PTPRN2: variants seen among roughly 807,000 people sequenced by gnomAD.
The protein encoded by PTPRN2 is protein tyrosine phosphatase receptor type N2, also known as receptor-type tyrosine-protein phosphatase N2.
Under a neutral mutation model 118.8 loss-of-function variants are expected in PTPRN2, and 74 were observed. That is an observed-to-expected ratio of 0.62 (90% confidence interval 0.52 to 0.76). The LOEUF (loss-of-function observed/expected upper bound fraction) is 0.76, where lower values mean the gene tolerates loss of function less well. PTPRN2 is among the 30% of genes least tolerant of loss of function. PTPRN2 has a pLI of 0.00. For missense variants in PTPRN2, 1,481 were observed against 1,394.4 expected (o/e 1.06, Z -0.99); for synonymous variants, 641 against 608.0 (o/e 1.05, Z -0.80).
At chr7:158,279,673 C>A (rs1230231793) in intron 3 of PTPRN2, among the ~76,000 whole-genome samples, 1 of 152,284 alleles carries the variant, frequency 6.6e-6, no homozygotes, top group East Asian at 1.9e-4. Context: ...TGCGCCGGCC[C>A]ACAAGCCCCG....
chr7:158,048,840 T>C (rs1034787580), intron 11 of PTPRN2, among the ~76,000 whole-genome samples: 2 of 9,794 alleles, frequency 2.0e-4, no homozygotes, highest in African/African-American at 4.6e-4. Context: ...CACCATCGCA[T>C]CACCACCATT....
chr7:158,421,987 C>T (rs1468889367), intron 2 of PTPRN2, among the ~76,000 whole-genome samples: 2 of 152,132 alleles, frequency 1.3e-5, no homozygotes, highest in Non-Finnish European at 2.9e-5. Context: ...AGCTAGAGAC[C>T]AAGTTACTGA....
chr7:157,910,378 C>T (rs1178755416), intron 11 of PTPRN2, among the ~76,000 whole-genome samples: 1 of 143,234 alleles, frequency 7.0e-6, no homozygotes, highest in African/African-American at 2.6e-5. Flanking sequence ...CGCCGGATCA[C>T]GCACGTACGC....
intron 6 of PTPRN2, among the ~76,000 whole-genome samples, chr7:158,159,710 T>A (rs1224766922): frequency 6.6e-6 from 1 of 152,208 alleles, no homozygotes; most frequent in Non-Finnish European, 1.5e-5. Flanking sequence ...TCTCCTAAAG[T>A]GATTTCCAAA....
chr7:158,533,139 T>C (rs1285520466), intron 1 of PTPRN2, among the ~76,000 whole-genome samples: 1 of 152,118 alleles, frequency 6.6e-6, no homozygotes. Flanking sequence ...ACCACTTCCT[T>C]CCCTAGTTTT....
In PTPRN2 at chr7:158,038,984, A is replaced by G. The variant is rs190627125; in HGVS notation, c.1723+42314T>C. On this transcript the variant is annotated intron_variant, in intron 11 of 22. Coordinates refer to ENST00000389418, the MANE Select transcript of PTPRN2 (RefSeq NM_002847.5). ...CAGATACAGACAAATGAAAATTGTA[A>G]TAAGATACAAGTTTATGGCCCTCCC... Among the ~76,000 whole-genome samples the G allele has an allele frequency of 2.7e-3, 407 of 152,314 alleles. 1 individual carries two copies. Among genetic ancestry groups the G allele is most frequent in the African/African-American group, 9.4e-3 (390 of 41,578 alleles).
chr7:158,065,139 C>T (rs563131680), intron 11 of PTPRN2, among the ~76,000 whole-genome samples: 18 of 152,288 alleles, frequency 1.2e-4, no homozygotes, highest in Non-Finnish European at 2.2e-4. Context: ...ACGAGAGAAA[C>T]GCCTGACATG....
At chr7:158,476,404 G>A (rs1820266305) in intron 2 of PTPRN2, among the ~76,000 whole-genome samples, 3 of 152,232 alleles carry the variant, frequency 2.0e-5, no homozygotes, top group Non-Finnish European at 4.4e-5. Context: ...TATCAATGAC[G>A]CCGATGCGCA....
chr7:158,071,640 A>AGG (rs1811750563), intron 11 of PTPRN2, among the ~76,000 whole-genome samples: 1 of 19,274 alleles, frequency 5.2e-5, no homozygotes, highest in African/African-American at 2.7e-4. Flanking sequence ...GGTGGTGGAG[A>AGG]TGCTCGTGGT....
chr7:157,745,499 G>C (rs1033350570), intron 12 of PTPRN2, among the ~76,000 whole-genome samples: 1 of 152,042 alleles, frequency 6.6e-6, no homozygotes, highest in Admixed American at 6.5e-5. Flanking sequence ...GCAGGCTGGG[G>C]GAGAGGGCAG....
At chr7:158,075,735 C>T (rs775626290) in intron 11 of PTPRN2, among the ~76,000 whole-genome samples, 1 of 152,246 alleles carries the variant, frequency 6.6e-6, no homozygotes, top group Non-Finnish European at 1.5e-5. Context: ...TCTCCCTCGC[C>T]CACTCTGGGT....
intron 1 of PTPRN2, among the ~76,000 whole-genome samples, chr7:158,557,044 G>T (rs1450041752): frequency 7.2e-6 from 1 of 139,674 alleles, no homozygotes; most frequent in Admixed American, 7.1e-5. Context: ...GGGCTCCCGC[G>T]CAGGTCACTC....
chr7:158,365,720 CCACACACA>C (rs111424578), intron 2 of PTPRN2, among the ~76,000 whole-genome samples: 1 of 114,344 alleles, frequency 8.7e-6, no homozygotes, highest in Admixed American at 9.5e-5. Flanking sequence ...GCACACACAC[CCACACACA>C]CACAGCATCC....
At chr7:157,852,561 T>C (rs1230457750) in intron 12 of PTPRN2, among the ~76,000 whole-genome samples, 1 of 152,204 alleles carries the variant, frequency 6.6e-6, no homozygotes, top group Non-Finnish European at 1.5e-5. Flanking sequence ...CAGATTTTGT[T>C]TTCTCCTGCT....
chr7:158,122,267 T>C (rs1395823195), intron 9 of PTPRN2, among the ~76,000 whole-genome samples: 1 of 152,198 alleles, frequency 6.6e-6, no homozygotes, highest in Non-Finnish European at 1.5e-5. Context: ...GTGGCAAGTT[T>C]GTGACGTCTC....
intron 2 of PTPRN2, among the ~76,000 whole-genome samples, chr7:158,379,906 A>G (rs951989695): frequency 5.9e-5 from 9 of 152,184 alleles, no homozygotes; most frequent in Admixed American, 3.9e-4. Context: ...GCAAAGTCAC[A>G]TCTCACATGG....
chr7:157,895,671 G>A (rs4716801), intron 12 of PTPRN2, among the ~76,000 whole-genome samples: 74,423 of 151,924 alleles, frequency 0.49, 18,617 homozygotes, highest in Middle Eastern at 0.59. Context: ...ATAATCTGTC[G>A]TGTAGCATCG....
chr7:158,086,655 C>T (rs1813438637), intron 10 of PTPRN2, among the ~76,000 whole-genome samples: 1 of 152,200 alleles, frequency 6.6e-6, no homozygotes, highest in Non-Finnish European at 1.5e-5. Flanking sequence ...AAAGAGGAGC[C>T]TTGTTTTACA....
In PTPRN2 at chr7:158,138,446, A is replaced by G; in HGVS notation, c.980T>C (p.Leu327Pro). 2 of 1,613,226 alleles carry G rather than the reference A, an allele frequency of 1.2e-6. No individual in the cohort carries two copies. Among genetic ancestry groups the G allele is most frequent in the South Asian group, 2.2e-5 (2 of 91,070 alleles). The change falls in exon 7 of 23, where the codon CTG becomes CCG. Residue 327 changes from leucine (L) to proline (P), a missense_variant. By Grantham distance (98) the Leu-to-Pro change is moderately conservative. This residue lies in a region of PTPRN2 where 1,115 missense variants were observed against 994.2 expected (regional missense o/e 1.12). Coordinates refer to ENST00000389418, the MANE Select transcript of PTPRN2 (RefSeq NM_002847.5). Reference sequence around the variant, plus strand: ...CAGCTCAGCCATGCCGTCCAGCTCCAGGCCACTCAGGCCCCTCACCTCAGC... The same window carrying G: ...CAGCTCAGCCATGCCGTCCAGCTCCGGGCCACTCAGGCCCCTCACCTCAGC... ...QPAEVRGLSGLELDGMAELMA... is the reference protein window; with the variant it reads ...QPAEVRGLSGPELDGMAELMA...
Sources: allele counts gnomAD v4.1 joint callset (sites outside exome capture counted in the v4.1 genomes callset), GRCh38; gene constraint gnomAD v4.1.1; regional missense constraint gnomAD v4.1.1; transcripts MANE v1.5; gene names NCBI Gene and HGNC (gene_info 2026-07-23, HGNC 2026-07-21).